RASSF8: variants seen among roughly 807,000 people sequenced by gnomAD.
RASSF8 encodes the protein ras association domain-containing protein 8.
Under a neutral mutation model 48.5 loss-of-function variants are expected in RASSF8, and 22 were observed. The observed-to-expected ratio is 0.45, with a 90% CI of 0.32 to 0.65. The LOEUF (loss-of-function observed/expected upper bound fraction) is 0.65, where lower values mean the gene tolerates loss of function less well. Ranked by LOEUF, RASSF8 falls within the 30% of genes least tolerant of loss-of-function variation. The probability of loss-of-function intolerance (pLI) is 0.03; values close to 1 mark genes in which losing one functional copy is unlikely to be tolerated. For missense variants in RASSF8, 418 were observed against 489.2 expected, an observed-to-expected ratio of 0.85 and a Z score of 1.37; for synonymous variants, 127 against 171.5, an observed-to-expected ratio of 0.74 and a Z score of 2.03.
At chr12:25,976,261 A>G (rs1051101107) in intron 1 of RASSF8, among the ~76,000 whole-genome samples, 1 of 152,216 alleles carries the variant, frequency 6.6e-6, no homozygotes, top group Non-Finnish European at 1.5e-5. Context: ...AGGCTACTCC[A>G]TTTGACCTTT....
At chr12:26,054,840 A>G (rs1305755325) in intron 2 of RASSF8, among the ~76,000 whole-genome samples, 1 of 152,228 alleles carries the variant, frequency 6.6e-6, no homozygotes, top group East Asian at 1.9e-4. Context: ...GCACACTGCA[A>G]AGTGGTTCAA....
downstream of RASSF8, among the ~76,000 whole-genome samples, chr12:26,074,098 GTTAA>G (rs1944048976): frequency 6.6e-6 from 1 of 152,034 alleles, no homozygotes; most frequent in African/African-American, 2.4e-5. Flanking sequence ...CTTTTAAAAT[GTTAA>G]TTATCCACCC....
At chr12:26,031,884 G>A (rs1565628025) in intron 2 of RASSF8, among the ~76,000 whole-genome samples, 3 of 152,232 alleles carry the variant, frequency 2.0e-5, no homozygotes, top group East Asian at 3.9e-4. Flanking sequence ...GGCTTAATCT[G>A]ACCTATATGT....
At chr12:26,075,402 G>C (rs2137354922), downstream of RASSF8, among the ~76,000 whole-genome samples, 1 of 152,324 alleles carries the variant, frequency 6.6e-6, no homozygotes, top group Admixed American at 6.5e-5. Flanking sequence ...CCTTTTTATA[G>C]AGTGTTTTTG....
chr12:25,972,661 A>G (rs925319131), intron 1 of RASSF8, among the ~76,000 whole-genome samples: 7 of 152,204 alleles, frequency 4.6e-5, no homozygotes, highest in Non-Finnish European at 1.0e-4. Flanking sequence ...GAATTTTTGT[A>G]TTTTTTAAAA....
chr12:26,011,164 A>G (rs1942514560), intron 2 of RASSF8, among the ~76,000 whole-genome samples: 1 of 152,200 alleles, frequency 6.6e-6, no homozygotes. Context: ...TTCTCAAGGC[A>G]TAAGTTTATA....
intron 1 of RASSF8, among the ~76,000 whole-genome samples, chr12:25,968,943 A>G (rs1161258906): frequency 1.3e-5 from 2 of 152,182 alleles, no homozygotes; most frequent in African/African-American, 4.8e-5. Flanking sequence ...AGAGACCTTA[A>G]TGAAATGAAG....
At chr12:26,060,705 C>G (rs954476) in intron 3 of RASSF8, among the ~76,000 whole-genome samples, 8,123 of 152,194 alleles carry the variant, frequency 0.053, 655 homozygotes, top group East Asian at 0.29. Flanking sequence ...GAGTCCTGGA[C>G]TGTGTAATGT....
chr12:26,016,280 G>C (rs572684457), intron 2 of RASSF8, among the ~76,000 whole-genome samples: 2 of 151,214 alleles, frequency 1.3e-5, no homozygotes, highest in South Asian at 4.2e-4. Context: ...GAATCTCCCT[G>C]GTTTTAAAGT....
chr12:26,013,228 T>C (rs1565618444), intron 2 of RASSF8, among the ~76,000 whole-genome samples: 1 of 152,210 alleles, frequency 6.6e-6, no homozygotes, highest in Non-Finnish European at 1.5e-5. Context: ...TTCTCATTTC[T>C]AGTAATTCAA....
chr12:25,973,832 A>G (rs1453213711), intron 1 of RASSF8: 5 of 152,414 alleles, frequency 3.3e-5, no homozygotes, highest in African/African-American at 1.2e-4. Flanking sequence ...CGCTGGTGCC[A>G]TAATCATGAA....
At position 26,070,605 on chromosome 12, in the gene RASSF8, A is replaced by G. The variant is rs995586401; in HGVS notation, c.*1787A>G. ...TAGTAGTTATTTTCTATCTACCTATATTTAAAATTAGGATGATTAAAAAAT... is the reference window on the plus strand; with the variant it reads ...TAGTAGTTATTTTCTATCTACCTATGTTTAAAATTAGGATGATTAAAAAAT... On this transcript the variant is annotated 3_prime_UTR_variant, in exon 6 of 6. Coordinates refer to ENST00000689635, the MANE Select transcript of RASSF8 (RefSeq NM_001394098.1). 1.0e-6 allele frequency: 1 copy of G among 960,176 alleles called. No individual in the cohort carries two copies. Among genetic ancestry groups the G allele is most frequent in the African/African-American group, 1.8e-5 (1 of 56,608 alleles). 59.5% of individuals were successfully genotyped at this position (960,176 alleles called of 1,614,324 possible). A position where few individuals can be genotyped will look rare whatever the true frequency, so the allele number is the denominator to read the frequency against.
chr12:26,010,899 AG>A (rs1325550198), intron 2 of RASSF8, among the ~76,000 whole-genome samples: 8 of 152,206 alleles, frequency 5.3e-5, no homozygotes, highest in African/African-American at 1.9e-4. Context: ...CACAAAGACC[AG>A]AAAAAAAAAC....
chr12:26,068,805 G>T lies in RASSF8; in HGVS notation c.1247G>T (p.Gly416Val). 2 of 1,536,896 alleles carry T rather than the reference G, an allele frequency of 1.3e-6. No homozygotes were observed. The highest frequency in any genetic ancestry group is 1.7e-6 in the Non-Finnish European group (2 of 1,146,630). ...ATCTCATCTGGTTTTAATCCTGAAGGCATATATGTATGACATTATCTGTCT... is the reference window on the plus strand; with the variant it reads ...ATCTCATCTGGTTTTAATCCTGAAGTCATATATGTATGACATTATCTGTCT... ...NPISSGFNPE[G>V]IYV The change falls in exon 6 of 6, where the codon GGC becomes GTC. Residue 416 changes from glycine (G) to valine (V), a missense_variant. Transcript: ENST00000689635.
At chr12:26,010,603 G>A (rs924049) in intron 2 of RASSF8, among the ~76,000 whole-genome samples, 107,834 of 152,104 alleles carry the variant, frequency 0.71, 38,335 homozygotes, top group South Asian at 0.77. Flanking sequence ...CATATTACCA[G>A]CTGGAGATTA....
chr12:25,968,532 G>A (rs745454141), intron 1 of RASSF8, among the ~76,000 whole-genome samples: 44 of 151,966 alleles, frequency 2.9e-4, no homozygotes, highest in Non-Finnish European at 5.2e-4. Context: ...TAGTAGAGAT[G>A]GGGGTTTTAC....
At chr12:25,965,419 A>G (rs1318019432) in intron 1 of RASSF8, among the ~76,000 whole-genome samples, 1 of 137,156 alleles carries the variant, frequency 7.3e-6, no homozygotes, top group Admixed American at 8.1e-5. Context: ...AGGCTGGAGT[A>G]CAGTGGCATG....
At chr12:26,055,790 A>C (rs1943589411) in intron 3 of RASSF8, among the ~76,000 whole-genome samples, 1 of 152,240 alleles carries the variant, frequency 6.6e-6, no homozygotes, top group Non-Finnish European at 1.5e-5. Flanking sequence ...AGAATCCCTC[A>C]TTAGGAAAAA....
chr12:26,068,691 GT>G lies in RASSF8; in HGVS notation c.1139-3del. 1 of 1,536,246 alleles carries G rather than the reference GT, an allele frequency of 6.5e-7. No individual in the cohort carries two copies. The highest frequency in any genetic ancestry group is 8.7e-7 in the Non-Finnish European group (1 of 1,145,970). On this transcript the variant is annotated splice_polypyrimidine_tract_variant and splice_region_variant and intron_variant, in intron 5 of 5. Transcript: ENST00000689635. ...CATCAGGTGGCTCTCTTTGTTTCCT[GT>G]TTAGAGGCACCATTCCAGTCTGGGT...
Sources: gnomAD v4.1 joint callset for allele counts (sites outside exome capture counted in the v4.1 genomes callset) on GRCh38, gnomAD v4.1.1 for gene constraint, MANE v1.5 for transcripts, NCBI Gene and HGNC (gene_info 2026-07-23, HGNC 2026-07-21) for gene names.